Variants in ERC2 observed in about 807,000 individuals in gnomAD.
ERC2 encodes ELKS/RAB6-interacting/CAST family member 2.
ERC2 carries 42 observed loss-of-function variants against 114.8 expected under a neutral mutation model. The observed-to-expected ratio is 0.37, with a 90% CI of 0.29 to 0.47. The LOEUF is 0.47. Among genes scored for constraint, ERC2 ranks in the 20% least tolerant of loss-of-function variants. The probability of loss-of-function intolerance (pLI) is 0.99; values close to 1 mark genes in which losing one functional copy is unlikely to be tolerated. For synonymous variants in ERC2, 454 were observed against 425.5 expected (o/e 1.07, Z -0.82); for missense variants, 939 against 1,150.7 (o/e 0.82, Z 2.66).
chr3:55,610,033 T>C (rs1269281219), intron 17 of ERC2, among the ~76,000 whole-genome samples: 3 of 124,520 alleles, frequency 2.4e-5, no homozygotes, highest in African/African-American at 8.7e-5. Context: ...TCCCAGGACT[T>C]GAGAGAAAGC....
At chr3:55,551,527 A>G (rs1361519494) in intron 17 of ERC2, among the ~76,000 whole-genome samples, 4 of 152,134 alleles carry the variant, frequency 2.6e-5, no homozygotes, top group Non-Finnish European at 5.9e-5. Flanking sequence ...CGTCTCAAAA[A>G]AACAAAAAAC....
chr3:55,788,828 A>G (rs1317926005), intron 14 of ERC2, among the ~76,000 whole-genome samples: 1 of 152,170 alleles, frequency 6.6e-6, no homozygotes, highest in Admixed American at 6.5e-5. Flanking sequence ...AGAACATTTC[A>G]CACATCATAA....
intron 17 of ERC2, among the ~76,000 whole-genome samples, chr3:55,566,704 C>T (rs752744937): frequency 6.6e-6 from 1 of 152,122 alleles, no homozygotes; most frequent in Non-Finnish European, 1.5e-5. Context: ...GGATTACAGG[C>T]ATGAGCCACC....
chr3:56,240,714 ATC>A (rs1355659256), intron 3 of ERC2, among the ~76,000 whole-genome samples: 1 of 152,230 alleles, frequency 6.6e-6, no homozygotes, highest in East Asian at 1.9e-4. Context: ...TGGAAAACAT[ATC>A]CAGCTATTAA....
intron 3 of ERC2, among the ~76,000 whole-genome samples, chr3:56,219,871 AT>A (rs981422276): frequency 1.3e-5 from 2 of 152,042 alleles, no homozygotes; most frequent in African/African-American, 4.8e-5. Flanking sequence ...AGTTTGGGCA[AT>A]TTTTTTCATC....
At chr3:55,575,078 A>G (rs1160134236) in intron 17 of ERC2, among the ~76,000 whole-genome samples, 6 of 152,038 alleles carry the variant, frequency 3.9e-5, no homozygotes, top group African/African-American at 1.2e-4. Flanking sequence ...CAGTGGCATG[A>G]TCTTGGCTCA....
intron 6 of ERC2, among the ~76,000 whole-genome samples, chr3:56,127,079 C>T (rs2079921224): frequency 6.6e-6 from 1 of 151,974 alleles, no homozygotes; most frequent in Admixed American, 6.6e-5. Context: ...TTTACAATAG[C>T]TGTAAAAAAA....
chr3:55,967,345 A>C (rs1253963428), intron 12 of ERC2, among the ~76,000 whole-genome samples: 6 of 152,236 alleles, frequency 3.9e-5, no homozygotes, highest in African/African-American at 1.4e-4. Context: ...AAAATATTTC[A>C]TTAAGATTCA....
chr3:55,573,046 G>A (rs1428208805), intron 17 of ERC2, among the ~76,000 whole-genome samples: 1 of 152,106 alleles, frequency 6.6e-6, no homozygotes, highest in African/African-American at 2.4e-5. Context: ...AGGTTTGACC[G>A]CAAAACACCA....
intron 17 of ERC2, among the ~76,000 whole-genome samples, chr3:55,514,226 G>A (rs79916071): frequency 0.043 from 6,545 of 152,138 alleles, 183 homozygotes; most frequent in Middle Eastern, 0.065. Flanking sequence ...GCAAAAACCC[G>A]TCTCCACAAA....
chr3:55,566,829 G>A (rs560344415), intron 17 of ERC2, among the ~76,000 whole-genome samples: 3 of 152,184 alleles, frequency 2.0e-5, no homozygotes, highest in South Asian at 4.1e-4. Context: ...CTCCTGAGCA[G>A]TTAGGATTAC....
chr3:55,873,990 A>T (rs117479759), intron 14 of ERC2, among the ~76,000 whole-genome samples: 3 of 152,216 alleles, frequency 2.0e-5, no homozygotes, highest in Non-Finnish European at 2.9e-5. Flanking sequence ...ACTTCCCAGC[A>T]TGATTTGTTT....
intron 4 of ERC2, among the ~76,000 whole-genome samples, chr3:56,154,712 G>A (rs1443722588): frequency 1.3e-5 from 2 of 152,158 alleles, no homozygotes; most frequent in Admixed American, 6.5e-5. Flanking sequence ...CCTTTACAGA[G>A]TCACAAACCT....
intron 14 of ERC2, among the ~76,000 whole-genome samples, chr3:55,864,138 T>TATATAC (rs1559782811): frequency 3.2e-5 from 4 of 124,102 alleles, no homozygotes; most frequent in Admixed American, 7.8e-5. Flanking sequence ...CATATATATA[T>TATATAC]ACATATATAT....
intron 2 of ERC2, among the ~76,000 whole-genome samples, chr3:56,330,819 T>C (rs1459993780): frequency 1.3e-5 from 2 of 152,164 alleles, no homozygotes; most frequent in East Asian, 1.9e-4. Flanking sequence ...TTAATACAAA[T>C]AACATTTATT....
chr3:55,699,304 G>A, intron 16 of ERC2, 74 bp downstream of exon 16: 1 of 1,562,338 alleles, frequency 6.4e-7, no homozygotes, highest in Non-Finnish European at 8.8e-7. Flanking sequence ...ATTATTTCTT[G>A]AGGATTATTT....
In ERC2 at chr3:55,879,099, A is replaced by ATTTTTTTTTTTTT. The variant is rs3047064; in HGVS notation, c.2564+9289_2564+9290insAAAAAAAAAAAAA. Among the ~76,000 whole-genome samples the ATTTTTTTTTTTTT allele has an allele frequency of 4.7e-5, 6 of 127,824 alleles. 1 individual carries two copies. The highest frequency in any genetic ancestry group is 1.8e-4 in the African/African-American group (6 of 33,532). The allele number at this position is 127,824 out of a possible 152,430, so 83.9% of individuals were successfully genotyped here. A position where few individuals can be genotyped will look rare whatever the true frequency, so the allele number is the denominator to read the frequency against. ...CTTTTCTTTTTTTTTCTTTTTCTTA[A>ATTTTTTTTTTTTT]TTTTTTTTTTTGGCAGAGTTTCTGC... On this transcript the variant is annotated intron_variant, in intron 14 of 17. Transcript: ENST00000288221.
At chr3:55,752,516 T>C (rs2066775368) in intron 14 of ERC2, among the ~76,000 whole-genome samples, 1 of 152,212 alleles carries the variant, frequency 6.6e-6, no homozygotes, top group African/African-American at 2.4e-5. Flanking sequence ...CCAAGACTGC[T>C]GAACAAGGGA....
intron 3 of ERC2, among the ~76,000 whole-genome samples, chr3:56,254,901 T>A (rs1403390427): frequency 6.6e-6 from 1 of 152,192 alleles, no homozygotes; most frequent in African/African-American, 2.4e-5. Context: ...TAGTCACTAA[T>A]GTGAAAAAAG....
Sources: gnomAD v4.1 joint callset for allele counts (sites outside exome capture counted in the v4.1 genomes callset) on GRCh38, gnomAD v4.1.1 for gene constraint, MANE v1.5 for transcripts, NCBI Gene and HGNC (gene_info 2026-07-23, HGNC 2026-07-21) for gene names.